Variants in C2CD3 observed in about 807,000 individuals in gnomAD.
C2CD3 encodes the protein C2 domain containing 3 centriole elongation regulator, also known as C2 domain-containing protein 3.
Under a neutral mutation model 234.0 loss-of-function variants are expected in C2CD3, and 148 were observed. The observed-to-expected ratio is 0.63, with a 90% confidence interval of 0.55 to 0.72. C2CD3 has a LOEUF of 0.72. Ranked by LOEUF, C2CD3 falls within the 30% of genes least tolerant of loss-of-function variation. The pLI, the probability that C2CD3 is intolerant of heterozygous loss-of-function variation, is 0.00. For missense variants in C2CD3, 2,577 were observed against 2,811.5 expected, an observed-to-expected ratio of 0.92 and a Z score of 1.89; for synonymous variants, 1,000 against 1,035.4, an observed-to-expected ratio of 0.97 and a Z score of 0.66.
In C2CD3 at chr11:74,085,686, C is replaced by T; in HGVS notation, c.3842G>A (p.Cys1281Tyr). The T allele has an allele frequency of 6.2e-7, 1 of 1,614,096 alleles. No homozygotes were observed. Among genetic ancestry groups the T allele is most frequent in the Non-Finnish European group, 8.5e-7 (1 of 1,180,012 alleles). The stretch of plus-strand genomic sequence containing the variant: ...AAACTCCAACAACTCTGCTAGGAAA[C>T]AGGCCTCTCCACTACAGTGCTGAGT... ...LVTQHCSGEA[C>Y]FLAELLEFAE... Residue 1281 changes from cysteine (C) to tyrosine (Y), a missense_variant, in exon 21 of 33, where the codon TGT becomes TAT. Transcript: ENST00000334126.
chr11:74,090,884 T>G lies in C2CD3; in HGVS notation c.3570A>C (p.Gly1190=). ...TGGAAACAGTTCGGGCAGCAAGAAC[T>G]CCCTCTGCTGTTCTTGGACTACGCC... is the stretch of plus-strand genomic sequence containing the variant. ...RYRRSPRTAE[G]VLAARTVSIS... is the part of the protein sequence containing the mutation. The change falls in exon 20 of 33, where the codon GGA becomes GGC. Residue 1190 remains glycine (G), a synonymous_variant. Transcript: ENST00000334126. The G allele has an allele frequency of 6.2e-7, 1 of 1,613,892 alleles. No individual in the cohort carries two copies. The highest frequency in any genetic ancestry group is 8.5e-7 in the Non-Finnish European group (1 of 1,179,794).
intron 15 of C2CD3, among the ~76,000 whole-genome samples, chr11:74,099,389 T>C (rs982732517): frequency 1.3e-5 from 2 of 152,214 alleles, no homozygotes; most frequent in African/African-American, 2.4e-5. Flanking sequence ...AAGTGACTTC[T>C]GCAAGTTAAA....
intron 3 of C2CD3, among the ~76,000 whole-genome samples, chr11:74,155,998 A>T (rs1218786188): frequency 6.6e-6 from 1 of 151,888 alleles, no homozygotes; most frequent in African/African-American, 2.4e-5. Context: ...AAAACTGGCC[A>T]GGTGCAGTGG....
chr11:74,169,791 T>C (rs941051185), intron 1 of C2CD3, among the ~76,000 whole-genome samples: 2 of 152,206 alleles, frequency 1.3e-5, no homozygotes, highest in African/African-American at 4.8e-5. Context: ...CTATCTTTCC[T>C]GGCAGGAAAG....
Position 74,113,679 on chromosome 11 carries a change from CAAAAAAA to C in C2CD3, c.1843+94_1843+100del, listed in dbSNP as rs548567656. 2,138 of 485,348 alleles carry C rather than the reference CAAAAAAA, an allele frequency of 4.4e-3. 2 individuals carry two copies. Among genetic ancestry groups the C allele is most frequent in the Non-Finnish European group, 6.3e-3 (1,752 of 276,278 alleles). The allele number at this position is 485,348 out of a possible 1,614,324, so 30.1% of individuals were successfully genotyped here. On this transcript the variant is annotated intron_variant, in intron 11 of 32. Coordinates refer to ENST00000334126, the MANE Select transcript of C2CD3 (RefSeq NM_001286577.2). ...TGGGCGAAAGAGTGAGACTCCATGT[CAAAAAAA>C]AAAAAAAAAAAAAAGTCAAATGAGT...
chr11:74,074,540 T>A lies in C2CD3; in HGVS notation c.4664A>T (p.His1555Leu), dbSNP rs758664109. The A allele has an allele frequency of 1.9e-6, 3 of 1,614,134 alleles. No homozygotes were observed. The highest frequency in any genetic ancestry group is 2.2e-5 in the South Asian group (2 of 91,078). Residue 1555 changes from histidine (H) to leucine (L), a missense_variant, in exon 24 of 33, where the codon CAT becomes CTT. Coordinates refer to ENST00000334126, the MANE Select transcript of C2CD3 (RefSeq NM_001286577.2). ...SNLSGAALRV[H>L]VVLSSLSSHL... ...TGAGGAAAGAGAGGAAAGAACCACA[T>A]GAACTCGCAAGGCAGCTCCTGAGAG... is the stretch of plus-strand genomic sequence containing the variant.
chr11:74,089,146 C>T (rs1408701957), intron 20 of C2CD3, among the ~76,000 whole-genome samples: 3 of 152,030 alleles, frequency 2.0e-5, no homozygotes, highest in African/African-American at 7.3e-5. Context: ...GAGATCACTG[C>T]TATCAACAAT....
intron 24 of C2CD3, among the ~76,000 whole-genome samples, chr11:74,067,685 A>G (rs540810708): frequency 1.3e-5 from 2 of 152,310 alleles, no homozygotes; most frequent in Non-Finnish European, 2.9e-5. Flanking sequence ...TATCTTCTTA[A>G]AAGTTTTATT....
In C2CD3 at chr11:74,049,514, C is replaced by T. The variant is rs145124391; in HGVS notation, c.5184G>A (p.Ser1728=). The part of the protein sequence containing the change: ...GDEERVIGFA[S]VDLSPLLSGF... The stretch of plus-strand genomic sequence containing the variant: ...CAGAGAGAAGTGGGGAGAGGTCCAC[C>T]GAGGCAAAGCCAATCACCCTCTCCT... The change falls in exon 27 of 33, where the codon TCG becomes TCA. Residue 1728 remains serine, a synonymous_variant. Transcript: ENST00000334126. The T allele has an allele frequency of 1.3e-4, 214 of 1,612,354 alleles. No homozygotes were observed. The African/African-American group carries it at 2.3e-3, about 17-fold the overall frequency.
intron 22 of C2CD3, among the ~76,000 whole-genome samples, chr11:74,083,060 A>G (rs1193410500): frequency 1.3e-5 from 2 of 152,202 alleles, no homozygotes; most frequent in Non-Finnish European, 2.9e-5. Flanking sequence ...AGGCTACGGT[A>G]ACCAAAACAG....
rs928606364 is a variant in C2CD3 at position 74,034,269 on chromosome 11, G to A, written c.5891C>T (p.Thr1964Ile). 4 of 1,535,464 alleles carry A rather than the reference G, an allele frequency of 2.6e-6. No homozygotes were observed. The highest frequency in any genetic ancestry group is 3.9e-5 in the Admixed American group (2 of 50,982). The change falls in exon 31 of 33, where the codon ACT becomes ATT. Residue 1964 changes from threonine to isoleucine, a missense_variant. Transcript: ENST00000334126. The stretch of plus-strand genomic sequence containing the variant: ...AGCTGCTTGCGAATCCCTGGTGATA[G>A]TCTGCAGATCTGAACAGCAACACAT... ...QVSSLITDLQ[T>I]ITRDSQAALS...
intron 22 of C2CD3, among the ~76,000 whole-genome samples, chr11:74,081,627 C>T (rs1489595019): frequency 6.6e-6 from 1 of 151,824 alleles, no homozygotes; most frequent in Admixed American, 6.6e-5. Context: ...TCATCATCAC[C>T]ATCATCATCA....
intron 23 of C2CD3, among the ~76,000 whole-genome samples, chr11:74,076,595 G>C (rs779294957): frequency 2.2e-4 from 33 of 152,176 alleles, no homozygotes; most frequent in Non-Finnish European, 4.3e-4. Context: ...GCTGAGAAGA[G>C]AAGGCTTTCA....
rs776801493 is a variant in C2CD3, at chr11:74,048,283, G to A, written c.5417C>T (p.Ser1806Phe). 3.7e-6 allele frequency: 6 copies of A among 1,613,592 alleles called. No homozygotes were observed. The highest frequency in any genetic ancestry group is 3.4e-6 in the Non-Finnish European group (4 of 1,179,786). Reference protein sequence around the residue: ...FPASDTYAAFSSHMARQTLDQ... With the variant: ...FPASDTYAAFFSHMARQTLDQ... ...TAGGGTCTGCCTTGCCATGTGGCTG[G>A]AGAATGCAGCATACGTATCAGAGGC... The change falls in exon 28 of 33, where the codon TCC becomes TTC. Residue 1806 changes from serine to phenylalanine, a missense_variant. Coordinates refer to ENST00000334126, the MANE Select transcript of C2CD3 (RefSeq NM_001286577.2).
intron 23 of C2CD3, 102 bp from the exon 24 acceptor site, chr11:74,074,702 G>A (rs1232296434): frequency 3.2e-6 from 3 of 950,608 alleles, no homozygotes; most frequent in Non-Finnish European, 4.7e-6. Context: ...TCCTTTGAAA[G>A]GTCTACAAAC....
rs12291090 is a variant in C2CD3 at position 74,113,659 on chromosome 11, G to T, written c.1843+121C>A. On this transcript the variant is annotated intron_variant, in intron 11 of 32. Coordinates refer to ENST00000334126, the MANE Select transcript of C2CD3 (RefSeq NM_001286577.2). ...TGCGCCACCACACTCCAGCCTGGGCGAAAGAGTGAGACTCCATGTCAAAAA... is the reference window on the plus strand; with the variant it reads ...TGCGCCACCACACTCCAGCCTGGGCTAAAGAGTGAGACTCCATGTCAAAAA... 0.028 allele frequency: 19,846 copies of T among 702,544 alleles called. 1,239 individuals are homozygous for T. Among genetic ancestry groups the T allele is most frequent in the African/African-American group, 0.21 (10,912 of 52,280 alleles). 43.5% of individuals were successfully genotyped at this position (702,544 alleles called of 1,614,324 possible). A position where few individuals can be genotyped will look rare whatever the true frequency, so the allele number is the denominator to read the frequency against.
chr11:74,105,396 G>A (rs796846222), intron 13 of C2CD3, among the ~76,000 whole-genome samples: 6 of 152,086 alleles, frequency 3.9e-5, no homozygotes, highest in African/African-American at 9.6e-5. Context: ...TCAGCCTCCC[G>A]AGTAGCTGGG....
At chr11:74,026,785 T>C (rs550702542) in intron 32 of C2CD3, among the ~76,000 whole-genome samples, 27 of 151,804 alleles carry the variant, frequency 1.8e-4, no homozygotes, top group Non-Finnish European at 3.4e-4. Flanking sequence ...CTGGCCAACA[T>C]GGTGAAACCC....
At chr11:74,053,085 A>C (rs1342024413) in intron 26 of C2CD3, among the ~76,000 whole-genome samples, 1 of 152,262 alleles carries the variant, frequency 6.6e-6, no homozygotes, top group African/African-American at 2.4e-5. Context: ...AGCATGGTGA[A>C]GAACAAACAG....
Sources: gnomAD v4.1 joint callset for allele counts (sites outside exome capture counted in the v4.1 genomes callset) on GRCh38, gnomAD v4.1.1 for gene constraint, MANE v1.5 for transcripts, NCBI Gene and HGNC (gene_info 2026-07-23, HGNC 2026-07-21) for gene names.